The following MAST2 variants were observed in gnomAD, a reference collection of about 807,000 sequenced individuals.
The protein encoded by MAST2 is microtubule associated serine/threonine kinase 2.
In MAST2, 70 loss-of-function variants were observed where a neutral mutation model predicts 147.4. That is an observed-to-expected ratio of 0.47 (90% CI 0.39 to 0.58). The LOEUF is 0.58. MAST2 is among the 20% of genes least tolerant of loss of function. MAST2 has a pLI of 0.00. For synonymous variants in MAST2, 869 were observed against 896.8 expected (o/e 0.97, Z 0.55); for missense variants, 2,080 against 2,302.3 (o/e 0.90, Z 1.98).
intron 5 of MAST2, among the ~76,000 whole-genome samples, chr1:45,965,242 G>C (rs1045618231): frequency 6.6e-6 from 1 of 152,122 alleles, no homozygotes; most frequent in Non-Finnish European, 1.5e-5. Context: ...GGTCCACTTG[G>C]TGCAGAGCTG....
chr1:45,835,364 TC>T (rs1645074131), intron 3 of MAST2, among the ~76,000 whole-genome samples: 1 of 152,106 alleles, frequency 6.6e-6, no homozygotes. Flanking sequence ...AGAAAACAAT[TC>T]TACTAAAAAA....
intron 4 of MAST2, among the ~76,000 whole-genome samples, chr1:45,902,935 G>A (rs1650025521): frequency 6.6e-6 from 1 of 151,542 alleles, no homozygotes; most frequent in Non-Finnish European, 1.5e-5. Context: ...CCCACTTTTT[G>A]TTTTGTTGCT....
chr1:46,031,138 G>A lies in MAST2; in HGVS notation c.2840G>A (p.Ser947Asn), dbSNP rs1646645766. ...PRFPEGPEEA[S>N]STLRRQPQEG... ...TTCCCGGAGGGCCCTGAGGAGGCCA[G>A]CAGCACCCTCAGGAGGCAACCACAG... The change falls in exon 23 of 29, where the codon AGC becomes AAC. Residue 947 changes from serine (S) to asparagine (N), a missense_variant. Coordinates refer to ENST00000361297, the MANE Select transcript of MAST2 (RefSeq NM_015112.3). This position sits in a 1 kb window ranked among gnomAD's most constrained non-coding sequence, Gnocchi z 4.1. 6.2e-7 allele frequency: 1 copy of A among 1,609,342 alleles called. No homozygotes were observed. The highest frequency in any genetic ancestry group is 1.7e-5 in the Admixed American group (1 of 59,726).
chr1:45,873,952 C>G (rs901629505), intron 3 of MAST2, among the ~76,000 whole-genome samples: 1 of 152,184 alleles, frequency 6.6e-6, no homozygotes, highest in Non-Finnish European at 1.5e-5. Flanking sequence ...CCCTGAGTAG[C>G]TGGGACTGCT....
At chr1:45,956,572 T>C (rs1293504737) in intron 4 of MAST2, among the ~76,000 whole-genome samples, 1 of 152,258 alleles carries the variant, frequency 6.6e-6, no homozygotes, top group Admixed American at 6.5e-5. Context: ...TTTCAGTCCA[T>C]ACTATGGTCA....
intron 9 of MAST2, among the ~76,000 whole-genome samples, chr1:46,008,919 C>CA (rs1334713384): frequency 6.6e-6 from 1 of 152,202 alleles, no homozygotes. Context: ...TCTGAATTTT[C>CA]ATTTTCAAGC....
rs764884823 is a variant in MAST2, at chr1:46,033,925, G to T, written c.3661G>T (p.Asp1221Tyr). ...ARRSKRSRGK[D>Y]GQESRKRSSL... is the part of the protein sequence containing the mutation. ...AAGGAGCAAGAGGAGCCGCGGCAAG[G>T]ATGGGCAAGAAAGGTGAGCCAGGCG... The change falls in exon 27 of 29, where the codon GAT (aspartate) becomes TAT (tyrosine). Residue 1221 changes from aspartate to tyrosine, a missense_variant. Asp to Tyr is a radical substitution (Grantham distance 160). This residue lies in a region of MAST2 where 1,278 missense variants were observed against 1,304.2 expected (regional missense o/e 0.98). Coordinates refer to ENST00000361297, the MANE Select transcript of MAST2 (RefSeq NM_015112.3). 1 of 1,614,116 alleles carries T rather than the reference G, an allele frequency of 6.2e-7. No homozygotes were observed. Among genetic ancestry groups the T allele is most frequent in the East Asian group, 2.2e-5 (1 of 44,878 alleles).
chr1:46,028,852 A>G lies in MAST2; in HGVS notation c.2137A>G (p.Ile713Val). Residue 713 changes from isoleucine (I) to valine (V), a missense_variant, in exon 18 of 29, where the codon ATT (isoleucine) becomes GTT (valine). Ile to Val is a conservative substitution (Grantham distance 29). This residue lies in a region of MAST2 where 209 missense variants were observed against 309.5 expected (regional missense o/e 0.68). Coordinates refer to ENST00000361297, the MANE Select transcript of MAST2 (RefSeq NM_015112.3). ...GCCAGTGGACTGGTGGGCCATGGGC[A>G]TTATCCTGTATGAGTTCCTGGTGGG... ...GKPVDWWAMGIILYEFLVGCV... is the reference protein window; with the variant it reads ...GKPVDWWAMGVILYEFLVGCV... 1 of 1,613,734 alleles carries G rather than the reference A, an allele frequency of 6.2e-7. No homozygotes were observed. The highest frequency in any genetic ancestry group is 8.5e-7 in the Non-Finnish European group (1 of 1,179,910).
chr1:45,932,855 T>C (rs1368313374), intron 4 of MAST2, among the ~76,000 whole-genome samples: 1 of 152,134 alleles, frequency 6.6e-6, no homozygotes, highest in Non-Finnish European at 1.5e-5. Flanking sequence ...GAGAACTACG[T>C]AACTTTCTGC....
At chr1:46,017,641 T>C (rs946206093) in intron 10 of MAST2, among the ~76,000 whole-genome samples, 1 of 151,892 alleles carries the variant, frequency 6.6e-6, no homozygotes, top group African/African-American at 2.4e-5. Context: ...CCAGTTAGAA[T>C]GGCAATCATT....
At chr1:45,920,859 G>A (rs924298158) in intron 4 of MAST2, among the ~76,000 whole-genome samples, 9 of 150,620 alleles carry the variant, frequency 6.0e-5, no homozygotes, top group African/African-American at 1.5e-4. Flanking sequence ...TTTTTTTTTC[G>A]ATGAGGTGGA....
chr1:45,838,812 GT>G (rs55738717), intron 3 of MAST2, among the ~76,000 whole-genome samples: 30,397 of 152,034 alleles, frequency 0.2, 3,545 homozygotes, highest in Non-Finnish European at 0.26. Flanking sequence ...AATCAGGACT[GT>G]TTGCAATAGT....
intron 3 of MAST2, among the ~76,000 whole-genome samples, chr1:45,866,990 A>T (rs1646181745): frequency 6.6e-6 from 1 of 152,046 alleles, no homozygotes; most frequent in Non-Finnish European, 1.5e-5. Context: ...ACCTCAGGTG[A>T]TCCACCCGCC....
rs370068878 is a variant in MAST2 at position 45,903,564 on chromosome 1, C to T, written c.500+21169C>T. ...TCTCATTGTTTACTGTAAAGTCATT[C>T]GGGAGCAAATTGTTTAGTTTCCATG... On this transcript the variant is annotated intron_variant, in intron 4 of 28. Transcript: ENST00000361297. Among the ~76,000 whole-genome samples the T allele has an allele frequency of 2.6e-5, 4 of 152,214 alleles. No individual in the cohort carries two copies. The South Asian group carries it at 6.2e-4, about 24-fold the overall frequency.
At chr1:45,840,990 A>T (rs909324807) in intron 3 of MAST2, among the ~76,000 whole-genome samples, 1 of 152,168 alleles carries the variant, frequency 6.6e-6, no homozygotes, top group African/African-American at 2.4e-5. Flanking sequence ...TTGCTTAGTC[A>T]CCCAGGGTGG....
intron 5 of MAST2, among the ~76,000 whole-genome samples, chr1:45,970,797 T>TG (rs911940045): frequency 1.9e-4 from 26 of 134,642 alleles, no homozygotes; most frequent in African/African-American, 7.6e-4. Context: ...GACTAAGAAG[T>TG]GTTTTTTTTT....
intron 6 of MAST2, among the ~76,000 whole-genome samples, chr1:45,998,830 C>A (rs1488498907): frequency 6.6e-6 from 1 of 151,918 alleles, no homozygotes; most frequent in African/African-American, 2.4e-5. Context: ...CGGGTTCACG[C>A]CATTCTCCTG....
At chr1:45,963,106 C>A (rs898023843) in intron 5 of MAST2, among the ~76,000 whole-genome samples, 7 of 152,100 alleles carry the variant, frequency 4.6e-5, no homozygotes, top group African/African-American at 1.7e-4. Flanking sequence ...GGGCTCTGTT[C>A]TGTTCCATTG....
chr1:45,924,260 C>A (rs1654000372), intron 4 of MAST2, among the ~76,000 whole-genome samples: 1 of 152,188 alleles, frequency 6.6e-6, no homozygotes, highest in Admixed American at 6.5e-5. Flanking sequence ...TCTCTGTACT[C>A]AAATTCACAG....
Sources: allele counts gnomAD v4.1 joint callset (sites outside exome capture counted in the v4.1 genomes callset), GRCh38; gene constraint gnomAD v4.1.1; regional missense constraint gnomAD v4.1.1; non-coding constraint Gnocchi (gnomAD v3.1); transcripts MANE v1.5; gene names NCBI Gene and HGNC (gene_info 2026-07-23, HGNC 2026-07-21).